Variants in CCDC12 observed in about 807,000 individuals in gnomAD.
CCDC12 encodes the protein coiled-coil domain containing 12.
In CCDC12, 28 loss-of-function variants were observed where a neutral mutation model predicts 25.7. The ratio of observed to expected loss-of-function variants is 1.09; its 90% CI spans 0.81 to 1.50. CCDC12 has a LOEUF of 1.50. Among genes scored for constraint, CCDC12 ranks in the 40% most tolerant of loss-of-function variants. The probability of loss-of-function intolerance (pLI) is 0.00; values close to 1 mark genes in which losing one functional copy is unlikely to be tolerated. For synonymous variants in CCDC12, 75 were observed against 87.7 expected, an observed-to-expected ratio of 0.86 and a Z score of 0.81; for missense variants, 198 against 210.0, an observed-to-expected ratio of 0.94 and a Z score of 0.35.
intron 3 of CCDC12, 120 bp downstream of exon 3, chr3:46,925,336 T>C: frequency 1.2e-6 from 1 of 835,792 alleles, no homozygotes. Context: ...CAAAGGGTCC[T>C]GCCTGCAGGC....
upstream of CCDC12, among the ~76,000 whole-genome samples, chr3:46,981,240 C>G (rs566629802): frequency 2.6e-5 from 4 of 151,916 alleles, no homozygotes; most frequent in Non-Finnish European, 5.9e-5. Flanking sequence ...GTCAGGAGAT[C>G]GAGACCATCC....
Position 46,972,773 on chromosome 3 carries a change from T to TAAA in CCDC12, c.96+3861_96+3863dup, listed in dbSNP as rs34559587. 1.2e-3 allele frequency among the ~76,000 whole-genome samples: 172 copies of TAAA among 141,248 alleles called. 2 individuals are homozygous for TAAA. The highest frequency in any genetic ancestry group is 1.4e-3 in the East Asian group (7 of 4,948). 92.7% of individuals were successfully genotyped at this position (141,248 alleles called of 152,430 possible). A position where few individuals can be genotyped will look rare whatever the true frequency, so the allele number is the denominator to read the frequency against. ...AACACAGTGAGACTCCTGACTCCTT[T>TAAA]AAAAAAAAAAAAAGAAAGAAAGAAA... is the stretch of plus-strand genomic sequence containing the variant. On this transcript the variant is annotated intron_variant, in intron 1 of 6. Transcript: ENST00000683445.
rs949147738 is a variant in CCDC12 at position 46,957,666 on chromosome 3, C to T, written c.97-16601G>A. 5.3e-5 allele frequency among the ~76,000 whole-genome samples: 8 copies of T among 152,166 alleles called. No individual in the cohort carries two copies. The South Asian group carries it at 8.3e-4, about 16-fold the overall frequency. ...GTTAAATATTAAAAGCTAGCCAGGG[C>T]GGCGGTGGCTCATGCCTGTAATCCC... On this transcript the variant is annotated intron_variant, in intron 1 of 6. Coordinates refer to ENST00000683445, the MANE Select transcript of CCDC12 (RefSeq NM_001277074.2).
intron 1 of CCDC12, among the ~76,000 whole-genome samples, chr3:46,967,559 A>G (rs4543047): frequency 0.95 from 143,843 of 152,160 alleles, 68,558 homozygotes; most frequent in East Asian, 1. Flanking sequence ...TGGTCTTCCC[A>G]GCCTGGGCAG....
At chr3:46,953,756 T>C (rs1384318702) in intron 1 of CCDC12, among the ~76,000 whole-genome samples, 1 of 151,362 alleles carries the variant, frequency 6.6e-6, no homozygotes, top group South Asian at 2.1e-4. Context: ...CAGTAGCAAA[T>C]GCAGCAGCCA....
upstream of CCDC12, among the ~76,000 whole-genome samples, chr3:46,977,677 ACTC>A (rs2035037053): frequency 6.6e-6 from 1 of 151,998 alleles, no homozygotes; most frequent in Non-Finnish European, 1.5e-5. Flanking sequence ...TTCCCTCTGG[ACTC>A]AAAGATGATC....
chr3:46,922,146 T>C lies in CCDC12; in HGVS notation c.419-7A>G. ...TGGCCTTTCAGCCTTTCACCTGGGATGGATGGCAGACAGAAGGGGTGGGGA... is the reference window on the plus strand; with the variant it reads ...TGGCCTTTCAGCCTTTCACCTGGGACGGATGGCAGACAGAAGGGGTGGGGA... On this transcript the variant is annotated splice_polypyrimidine_tract_variant and splice_region_variant and intron_variant, in intron 6 of 6. Coordinates refer to ENST00000683445, the MANE Select transcript of CCDC12 (RefSeq NM_001277074.2). The C allele has an allele frequency of 2.5e-6, 4 of 1,614,246 alleles. No individual in the cohort carries two copies. In the South Asian group the frequency reaches 3.3e-5, roughly 13 times the overall value.
chr3:46,937,650 T>C (rs1309875726), intron 2 of CCDC12, among the ~76,000 whole-genome samples: 1 of 152,184 alleles, frequency 6.6e-6, no homozygotes, highest in Non-Finnish European at 1.5e-5. Context: ...TCCATAAGCA[T>C]CCTGCATGAG....
chr3:46,976,472 CCCAGACAT>C (rs1269203362), intron 1 of CCDC12, 157 bp downstream of exon 1: 2 of 1,435,270 alleles, frequency 1.4e-6, no homozygotes, highest in Non-Finnish European at 1.8e-6. Flanking sequence ...GCCAAGCAGC[CCCAGACAT>C]CGTGGGAGGG....
At chr3:46,961,473 G>C (rs2034463232) in intron 1 of CCDC12, among the ~76,000 whole-genome samples, 1 of 152,190 alleles carries the variant, frequency 6.6e-6, no homozygotes, top group Non-Finnish European at 1.5e-5. Flanking sequence ...AGTCTGGCTA[G>C]CAGGTCAGGA....
upstream of CCDC12, among the ~76,000 whole-genome samples, chr3:46,978,382 G>A (rs1332773312): frequency 6.6e-6 from 1 of 152,140 alleles, no homozygotes; most frequent in Non-Finnish European, 1.5e-5. Flanking sequence ...TGTTGTCTTG[G>A]CCAACCAAGG....
At chr3:46,948,873 C>A (rs2034007301) in intron 1 of CCDC12, among the ~76,000 whole-genome samples, 1 of 152,228 alleles carries the variant, frequency 6.6e-6, no homozygotes, top group South Asian at 2.1e-4. Context: ...AAGGGAGGCA[C>A]TACAGAGCTC....
chr3:46,937,661 A>G (rs2033505978), intron 2 of CCDC12, among the ~76,000 whole-genome samples: 1 of 152,176 alleles, frequency 6.6e-6, no homozygotes, highest in Admixed American at 6.5e-5. Context: ...CCTGCATGAG[A>G]GCCCCTTTCC....
chr3:46,935,262 G>A (rs2033396764), intron 2 of CCDC12, among the ~76,000 whole-genome samples: 1 of 152,200 alleles, frequency 6.6e-6, no homozygotes, highest in African/African-American at 2.4e-5. Flanking sequence ...ACAGGGAGGT[G>A]GTGGCTGTGG....
upstream of CCDC12, among the ~76,000 whole-genome samples, chr3:46,979,316 G>A (rs1047105047): frequency 6.6e-6 from 1 of 152,218 alleles, no homozygotes; most frequent in African/African-American, 2.4e-5. Context: ...TTTGATAAGC[G>A]CTACAAGGGG....
intron 3 of CCDC12, 41 bp downstream of exon 3, chr3:46,925,415 C>T: frequency 6.4e-7 from 1 of 1,557,548 alleles, no homozygotes; most frequent in East Asian, 2.2e-5. Context: ...GGGTGGCTGA[C>T]AGTGCCAGGA....
intron 2 of CCDC12, 187 bp downstream of exon 2, chr3:46,940,811 C>A: frequency 1.6e-6 from 1 of 617,416 alleles, no homozygotes; most frequent in Non-Finnish European, 2.9e-6. Flanking sequence ...GGAAAGGAGG[C>A]AGAGAAGGCC....
Position 46,927,694 on chromosome 3 carries a change from A to G in CCDC12, c.165-2159T>C, listed in dbSNP as rs145973988. On this transcript the variant is annotated intron_variant, in intron 2 of 6. Coordinates refer to ENST00000683445, the MANE Select transcript of CCDC12 (RefSeq NM_001277074.2). ...ATTCTGGGCCTCAGTTTCCACATTT[A>G]GAAACATTACGGCTGTGCTGGGTGC... Among the ~76,000 whole-genome samples the G allele has an allele frequency of 8.1e-4, 123 of 152,300 alleles. 2 individuals carry two copies. The East Asian group carries it at 0.018, about 22-fold the overall frequency.
At chr3:46,981,011 GA>G (rs1231960466), upstream of CCDC12, among the ~76,000 whole-genome samples, 1 of 152,222 alleles carries the variant, frequency 6.6e-6, no homozygotes, top group Non-Finnish European at 1.5e-5. Flanking sequence ...GTCCAGGCCA[GA>G]AGGACCACAG....
Sources: allele counts gnomAD v4.1 joint callset (sites outside exome capture counted in the v4.1 genomes callset), GRCh38; gene constraint gnomAD v4.1.1; transcripts MANE v1.5; gene names NCBI Gene and HGNC (gene_info 2026-07-23, HGNC 2026-07-21).